The following ANKRD45 variants were observed in gnomAD, a reference collection of about 807,000 sequenced individuals.
ANKRD45 encodes ankyrin repeat domain-containing protein 45.
ANKRD45 carries 21 observed loss-of-function variants against 28.1 expected under a neutral mutation model. That is an observed-to-expected ratio of 0.75 (90% CI 0.53 to 1.08). ANKRD45 has a LOEUF of 1.08. Ranked by LOEUF, ANKRD45 falls within the 50% of genes least tolerant of loss-of-function variation. The probability of loss-of-function intolerance (pLI) is 0.00; values close to 1 mark genes in which losing one functional copy is unlikely to be tolerated. For synonymous variants in ANKRD45, 86 were observed against 103.9 expected, an observed-to-expected ratio of 0.83 and a Z score of 1.05; for missense variants, 261 against 308.7, an observed-to-expected ratio of 0.85 and a Z score of 1.16.
chr1:173,680,311 T>C, the ANKRD45 span, among the ~76,000 whole-genome samples: 1 of 152,162 alleles, frequency 6.6e-6, no homozygotes, highest in African/African-American at 2.4e-5. Flanking sequence ...ACTGATAGAC[T>C]GGATAAAGAA....
At chr1:173,640,837 C>G (rs1668669058) in intron 3 of ANKRD45, among the ~76,000 whole-genome samples, 1 of 152,206 alleles carries the variant, frequency 6.6e-6, no homozygotes, top group Non-Finnish European at 1.5e-5. Flanking sequence ...TTGAACTACT[C>G]AGGAGCAAGG....
chr1:173,699,915 G>C, the ANKRD45 span, among the ~76,000 whole-genome samples: 1 of 152,124 alleles, frequency 6.6e-6, no homozygotes, highest in Non-Finnish European at 1.5e-5. Flanking sequence ...TGTATATTTA[G>C]AAAACCGCAT....
chr1:173,614,034 G>A (rs1667349355), intron 5 of ANKRD45, among the ~76,000 whole-genome samples: 1 of 152,164 alleles, frequency 6.6e-6, no homozygotes, highest in Non-Finnish European at 1.5e-5. Flanking sequence ...TAAGGGCGGT[G>A]CAAGATGTGC....
intron 2 of ANKRD45, 62 bp downstream of exon 2, chr1:173,659,029 A>C (rs751892305): frequency 1.3e-6 from 2 of 1,561,934 alleles, no homozygotes; most frequent in African/African-American, 2.7e-5. Flanking sequence ...AACCTTAAAG[A>C]TATTACATTG....
chr1:173,710,008 A>C, the ANKRD45 span, among the ~76,000 whole-genome samples: 1 of 152,148 alleles, frequency 6.6e-6, no homozygotes, highest in Admixed American at 6.5e-5. Context: ...TCATGGTTCA[A>C]TTTTATACTG....
chr1:173,693,683 A>T, the ANKRD45 span, among the ~76,000 whole-genome samples: 4 of 152,246 alleles, frequency 2.6e-5, no homozygotes, highest in Non-Finnish European at 4.4e-5. Flanking sequence ...ATAAAGAGAG[A>T]GTGAAGTAGG....
chr1:173,611,489 C>A (rs1667145580), intron 5 of ANKRD45, among the ~76,000 whole-genome samples: 1 of 151,692 alleles, frequency 6.6e-6, no homozygotes, highest in African/African-American at 2.4e-5. Context: ...AAATCCACAA[C>A]TCCTTTTTGA....
chr1:173,645,204 T>C (rs895078754), intron 3 of ANKRD45, among the ~76,000 whole-genome samples: 31 of 152,214 alleles, frequency 2.0e-4, no homozygotes, highest in Non-Finnish European at 3.8e-4. Flanking sequence ...ACAACTCATC[T>C]CTTTCTTCCC....
At chr1:173,682,627 TAAAAAG>T in the ANKRD45 span, among the ~76,000 whole-genome samples, 3 of 138,690 alleles carry the variant, frequency 2.2e-5, no homozygotes, top group Non-Finnish European at 1.6e-5. Context: ...TTTGCTCAAA[TAAAAAG>T]AAAAAGGACG....
upstream of ANKRD45, among the ~76,000 whole-genome samples, chr1:173,670,695 C>G (rs1451693970): frequency 6.6e-6 from 1 of 152,144 alleles, no homozygotes; most frequent in Non-Finnish European, 1.5e-5. Flanking sequence ...GAATGTCAGG[C>G]GACCATCAGG....
chr1:173,700,419 C>A, the ANKRD45 span, among the ~76,000 whole-genome samples: 1 of 152,176 alleles, frequency 6.6e-6, no homozygotes, highest in South Asian at 2.1e-4. Context: ...TGACTTCAAA[C>A]TATTCTACAA....
At chr1:173,695,790 A>G in the ANKRD45 span, among the ~76,000 whole-genome samples, 3 of 152,042 alleles carry the variant, frequency 2.0e-5, no homozygotes, top group Non-Finnish European at 2.9e-5. Flanking sequence ...TTCTTTCCAC[A>G]CTGGCTGAAC....
At chr1:173,613,569 C>G (rs1311218160) in intron 5 of ANKRD45, among the ~76,000 whole-genome samples, 1,458 of 130,482 alleles carry the variant, frequency 0.011, 53 homozygotes, top group African/African-American at 0.056. Context: ...TCAGCCCCCC[C>G]CCCGGCCAGC....
At chr1:173,626,762 G>A (rs1166069907) in intron 4 of ANKRD45, among the ~76,000 whole-genome samples, 1 of 152,158 alleles carries the variant, frequency 6.6e-6, no homozygotes, top group Admixed American at 6.5e-5. Flanking sequence ...AAAAGTCTAT[G>A]TAGTCTTTGA....
In ANKRD45 at chr1:173,610,155, G is replaced by A. The variant is rs745346546; in HGVS notation, c.791C>T (p.Thr264Ile). Residue 264 changes from threonine (T) to isoleucine (I), a missense_variant, in exon 6 of 6, where the codon ACC becomes ATC. Physicochemically the swap from Thr to Ile is moderately conservative, Grantham distance 89. Coordinates refer to ENST00000333279, the MANE Select transcript of ANKRD45 (RefSeq NM_198493.3). ...TTACAGAACGTATGTTCAGTTGGAG[G>A]TATCATCTTGACTTCTCTTCTGGTC... ...SHDQKRSQDDTSN is the reference protein window; with the variant it reads ...SHDQKRSQDDISN The A allele has an allele frequency of 1.2e-6, 2 of 1,613,986 alleles. No homozygotes were observed. Among genetic ancestry groups the A allele is most frequent in the African/African-American group, 1.3e-5 (1 of 75,020 alleles).
chr1:173,651,070 T>C (rs1001428052), intron 2 of ANKRD45, among the ~76,000 whole-genome samples: 6 of 152,222 alleles, frequency 3.9e-5, no homozygotes, highest in Non-Finnish European at 8.8e-5. Context: ...GTAGTTTCTT[T>C]TGCTGAGCAG....
At chr1:173,714,847 C>A in the ANKRD45 span, 1 of 152,230 alleles carries the variant, frequency 6.6e-6, no homozygotes. Context: ...GCAAAGGGCA[C>A]GACTACTTCC....
chr1:173,635,434 T>G, intron 3 of ANKRD45: 3 of 974,844 alleles, frequency 3.1e-6, no homozygotes, highest in Non-Finnish European at 4.4e-6. Context: ...TCGTAGGGAA[T>G]TTAGTTATTT....
chr1:173,672,934 A>G (rs1670303765), upstream of ANKRD45, among the ~76,000 whole-genome samples: 2 of 152,164 alleles, frequency 1.3e-5, no homozygotes, highest in South Asian at 4.1e-4. Context: ...AGGCCTGGTG[A>G]ACAGACAGCT....
Sources: allele counts gnomAD v4.1 joint callset (sites outside exome capture counted in the v4.1 genomes callset), GRCh38; gene constraint gnomAD v4.1.1; transcripts MANE v1.5; gene names NCBI Gene and HGNC (gene_info 2026-07-23, HGNC 2026-07-21).